GLT1D1: variants seen among roughly 807,000 people sequenced by gnomAD.
The protein encoded by GLT1D1 is glycosyltransferase 1 domain containing 1.
Under a neutral mutation model 28.7 loss-of-function variants are expected in GLT1D1, and 21 were observed. That is an observed-to-expected ratio of 0.73 (90% confidence interval 0.52 to 1.05). The LOEUF is 1.05. GLT1D1 is among the 50% of genes least tolerant of loss of function. The probability of loss-of-function intolerance (pLI) is 0.00; values close to 1 mark genes in which losing one functional copy is unlikely to be tolerated. For synonymous variants in GLT1D1, 147 were observed against 124.8 expected (o/e 1.18, Z -1.19); for missense variants, 343 against 330.6 (o/e 1.04, Z -0.29).
chr12:128,978,153 G>A (rs1054792146), intron 7 of GLT1D1, among the ~76,000 whole-genome samples: 2 of 151,804 alleles, frequency 1.3e-5, no homozygotes, highest in Admixed American at 6.6e-5. Flanking sequence ...ATCCTGAGTG[G>A]ACACCCCCTC....
chr12:128,961,436 A>G lies in GLT1D1; in HGVS notation c.639+3793A>G, dbSNP rs1015165458. 3.3e-5 allele frequency among the ~76,000 whole-genome samples: 5 copies of G among 152,364 alleles called. No homozygotes were observed. The South Asian group carries it at 1.0e-3, about 32-fold the overall frequency. ...TAAGTGTCCATCAACAGATGAATGC[A>G]TAAGGAAGATGTGGTACATATGGCC... is the stretch of plus-strand genomic sequence containing the variant. On this transcript the variant is annotated intron_variant, in intron 7 of 7. Transcript: ENST00000281703.
intron 4 of GLT1D1, among the ~76,000 whole-genome samples, chr12:128,942,131 A>G (rs539462551): frequency 6.6e-6 from 1 of 151,294 alleles, no homozygotes; most frequent in African/African-American, 2.4e-5. Context: ...GAACACAGTC[A>G]TTCAGAAGCC....
rs117658515 is a variant in GLT1D1 at position 128,960,624 on chromosome 12, G to A, written c.639+2981G>A. Among the ~76,000 whole-genome samples, 927 of 152,158 alleles carry A rather than the reference G, an allele frequency of 6.1e-3. 10 individuals carry two copies. The highest frequency in any genetic ancestry group is 0.012 in the Admixed American group (180 of 15,282). On this transcript the variant is annotated intron_variant, in intron 7 of 7. Transcript: ENST00000281703. ...ATATGAAAATGAGCCAGGTGTGGTG[G>A]TGGGTGCATGTAATCCTGGCTACAT...
At chr12:128,970,342 T>A (rs560667408) in intron 7 of GLT1D1, among the ~76,000 whole-genome samples, 171 of 152,320 alleles carry the variant, frequency 1.1e-3, no homozygotes, top group Middle Eastern at 0.01. Flanking sequence ...CCACTTCCCA[T>A]CTGTCCCACT....
chr12:128,964,649 C>A (rs189344709), intron 7 of GLT1D1, among the ~76,000 whole-genome samples: 1 of 152,154 alleles, frequency 6.6e-6, no homozygotes, highest in African/African-American at 2.4e-5. Flanking sequence ...TGTGGGAGAA[C>A]TGAAGCATGG....
intron 7 of GLT1D1, among the ~76,000 whole-genome samples, chr12:128,970,609 C>G (rs1268261170): frequency 2.0e-5 from 3 of 152,252 alleles, no homozygotes; most frequent in Non-Finnish European, 2.9e-5. Flanking sequence ...ACAGCTTGCG[C>G]TGCCCCCTCC....
rs1593145918 is a variant in GLT1D1, at chr12:128,929,149, C to A, written c.376-16177C>A. Among the ~76,000 whole-genome samples, 3 of 152,218 alleles carry A rather than the reference C, an allele frequency of 2.0e-5. No individual in the cohort carries two copies. In the East Asian group the frequency reaches 5.8e-4, roughly 29 times the overall value. On this transcript the variant is annotated intron_variant, in intron 4 of 7. Transcript: ENST00000281703. ...GCGAGCATCTGGATGGGAAGCAGGC[C>A]TCGCAGACACCCATCTTTCCCGCAC...
intron 1 of GLT1D1, among the ~76,000 whole-genome samples, chr12:128,870,757 T>C (rs1310743843): frequency 2.0e-5 from 3 of 152,156 alleles, no homozygotes; most frequent in Non-Finnish European, 4.4e-5. Flanking sequence ...TTTGGGAGGC[T>C]GAGGCAGGCG....
chr12:128,980,979 C>T (rs762835107), intron 7 of GLT1D1, among the ~76,000 whole-genome samples: 9 of 152,186 alleles, frequency 5.9e-5, no homozygotes, highest in Non-Finnish European at 1.2e-4. Flanking sequence ...GGATTTCTCA[C>T]GTCTACAGGC....
chr12:128,969,496 CCCGAGCTGGGTGTGCA>C (rs931731114), intron 7 of GLT1D1, among the ~76,000 whole-genome samples: 1 of 152,168 alleles, frequency 6.6e-6, no homozygotes, highest in African/African-American at 2.4e-5. Flanking sequence ...GCAGGTTTGC[CCCGAGCTGGGTGTGCA>C]CCGAGCTGAG....
chr12:128,895,707 C>G (rs762068900), intron 3 of GLT1D1, among the ~76,000 whole-genome samples: 3 of 152,048 alleles, frequency 2.0e-5, no homozygotes, highest in African/African-American at 7.2e-5. Context: ...GATCCTCCCC[C>G]CTCGGCCTCC....
intron 4 of GLT1D1, among the ~76,000 whole-genome samples, chr12:128,914,066 T>G (rs559832035): frequency 6.6e-6 from 1 of 152,356 alleles, no homozygotes; most frequent in East Asian, 1.9e-4. Flanking sequence ...TTGATTTACT[T>G]ACATTTTATA....
chr12:128,891,992 G>A (rs555040537), intron 3 of GLT1D1, among the ~76,000 whole-genome samples: 1 of 152,102 alleles, frequency 6.6e-6, no homozygotes, highest in Non-Finnish European at 1.5e-5. Context: ...ACACTGGTTC[G>A]GTCTGGAAAG....
intron 3 of GLT1D1, among the ~76,000 whole-genome samples, chr12:128,897,450 G>A (rs1869770903): frequency 6.6e-6 from 1 of 151,584 alleles, no homozygotes; most frequent in Non-Finnish European, 1.5e-5. Context: ...TTCATACCCT[G>A]CCTGTGGTAT....
intron 7 of GLT1D1, among the ~76,000 whole-genome samples, chr12:128,962,143 G>A (rs1044877604): frequency 3.3e-5 from 5 of 151,036 alleles, no homozygotes; most frequent in African/African-American, 7.3e-5. Flanking sequence ...TGTCCCCCTC[G>A]GCCTCCTGGC....
chr12:128,884,257 G>A (rs1957128830), intron 2 of GLT1D1, among the ~76,000 whole-genome samples: 1 of 152,182 alleles, frequency 6.6e-6, no homozygotes, highest in South Asian at 2.1e-4. Context: ...CAACATGGAT[G>A]AGCCTGGAGG....
chr12:128,939,573 A>G lies in GLT1D1; in HGVS notation c.376-5753A>G, dbSNP rs150651144. The stretch of plus-strand genomic sequence containing the variant: ...CCTGTGTTAGTTCTCCCACTGCTAT[A>G]AAGAACTACCTGAGACTGGAGAATT... On this transcript the variant is annotated intron_variant, in intron 4 of 7. Coordinates refer to ENST00000281703, the MANE Select transcript of GLT1D1 (RefSeq NM_144669.3). Among the ~76,000 whole-genome samples the G allele has an allele frequency of 4.7e-3, 722 of 152,180 alleles. 8 individuals carry two copies. Among genetic ancestry groups the G allele is most frequent in the African/African-American group, 0.017 (687 of 41,522 alleles).
chr12:128,858,051 T>G (rs1422792395), intron 1 of GLT1D1, among the ~76,000 whole-genome samples: 1 of 152,144 alleles, frequency 6.6e-6, no homozygotes, highest in African/African-American at 2.4e-5. Flanking sequence ...GATGCCAATA[T>G]GGGTTGTGAA....
intron 1 of GLT1D1, among the ~76,000 whole-genome samples, chr12:128,865,704 C>T (rs1956495685): frequency 6.6e-6 from 1 of 152,054 alleles, no homozygotes; most frequent in Non-Finnish European, 1.5e-5. Context: ...CGCCTATAAT[C>T]CCAGCTACTC....
Sources: gnomAD v4.1 joint callset for allele counts (sites outside exome capture counted in the v4.1 genomes callset) on GRCh38, gnomAD v4.1.1 for gene constraint, MANE v1.5 for transcripts, NCBI Gene and HGNC (gene_info 2026-07-23, HGNC 2026-07-21) for gene names.